Variants in INPP4B observed in about 807,000 individuals in gnomAD.
The protein encoded by INPP4B is inositol polyphosphate-4-phosphatase type II B, also known as inositol polyphosphate 4-phosphatase type II.
Under a neutral mutation model 122.5 loss-of-function variants are expected in INPP4B, and 55 were observed. That is an observed-to-expected ratio of 0.45 (90% CI 0.36 to 0.56). The LOEUF is 0.56. Among genes scored for constraint, INPP4B ranks in the 20% least tolerant of loss-of-function variants. The pLI is 0.00. For synonymous variants in INPP4B, 403 were observed against 388.7 expected, an observed-to-expected ratio of 1.04 and a Z score of -0.43; for missense variants, 1,000 against 1,097.7, an observed-to-expected ratio of 0.91 and a Z score of 1.26.
chr4:142,647,306 C>T (rs1407416058), intron 2 of INPP4B, among the ~76,000 whole-genome samples: 1 of 152,098 alleles, frequency 6.6e-6, no homozygotes, highest in East Asian at 1.9e-4. Context: ...TTTAACTAAG[C>T]ACATGTATTA....
chr4:142,776,727 T>C (rs955616547), intron 1 of INPP4B, among the ~76,000 whole-genome samples: 2 of 152,172 alleles, frequency 1.3e-5, no homozygotes, highest in South Asian at 4.1e-4. Context: ...ATATTGTACA[T>C]TATAATTTTG....
intron 7 of INPP4B, among the ~76,000 whole-genome samples, chr4:142,373,066 T>G (rs1790495804): frequency 6.6e-6 from 1 of 152,078 alleles, no homozygotes; most frequent in South Asian, 2.1e-4. Context: ...TATGCCAGAA[T>G]AGAAATCAGT....
chr4:142,243,486 T>C (rs529093685), intron 11 of INPP4B, among the ~76,000 whole-genome samples: 1 of 152,236 alleles, frequency 6.6e-6, no homozygotes, highest in East Asian at 1.9e-4. Context: ...CAAATAAATC[T>C]AGGGAGGAAG....
intron 25 of INPP4B, among the ~76,000 whole-genome samples, chr4:142,052,018 A>G (rs1031781462): frequency 1.3e-5 from 2 of 151,932 alleles, no homozygotes; most frequent in South Asian, 2.1e-4. Context: ...TTTTTCTTTG[A>G]TGGTTTTACT....
chr4:142,548,203 A>G (rs963602847), intron 2 of INPP4B, among the ~76,000 whole-genome samples: 7 of 152,202 alleles, frequency 4.6e-5, no homozygotes, highest in Non-Finnish European at 1.0e-4. Context: ...CAAGTTGCCA[A>G]GTACTAGTCA....
intron 7 of INPP4B, among the ~76,000 whole-genome samples, chr4:142,340,280 T>A (rs2646087): frequency 0.31 from 46,633 of 152,044 alleles, 8,462 homozygotes; most frequent in South Asian, 0.44. Flanking sequence ...TTGCTCCCCA[T>A]CTTACTAGAT....
At position 142,028,698 on chromosome 4, in the gene INPP4B, A is replaced by G. The variant is rs1434424933; in HGVS notation, c.*84T>C. On this transcript the variant is annotated 3_prime_UTR_variant, in exon 26 of 26. Transcript: ENST00000262992. ...ATCTCCCCCACCACAAATTCATGAC[A>G]ATAAAAACAAACAAAAAAGACCAAG... 2.1e-6 allele frequency: 3 copies of G among 1,431,546 alleles called. No individual in the cohort carries two copies. The African/African-American group carries it at 4.3e-5, about 20-fold the overall frequency. 88.7% of individuals were successfully genotyped at this position (1,431,546 alleles called of 1,614,324 possible).
chr4:142,564,439 C>CAAAAAAAA (rs199803105), intron 2 of INPP4B, among the ~76,000 whole-genome samples: 22 of 97,884 alleles, frequency 2.2e-4, no homozygotes, highest in Non-Finnish European at 3.0e-4. Context: ...TAAGGAATGG[C>CAAAAAAAA]AAAAAAAAAA....
intron 3 of INPP4B, among the ~76,000 whole-genome samples, chr4:142,448,537 G>A (rs1813441739): frequency 1.3e-5 from 2 of 152,136 alleles, no homozygotes; most frequent in South Asian, 4.1e-4. Context: ...CAAGATAAGA[G>A]TGTGAATGGA....
chr4:142,234,550 A>G (rs1855850188), intron 12 of INPP4B, among the ~76,000 whole-genome samples: 1 of 152,170 alleles, frequency 6.6e-6, no homozygotes, highest in Non-Finnish European at 1.5e-5. Context: ...AGAATTTTAA[A>G]AATCTCCTTT....
chr4:142,714,442 C>T (rs1763511736), intron 2 of INPP4B, among the ~76,000 whole-genome samples: 1 of 152,006 alleles, frequency 6.6e-6, no homozygotes, highest in Non-Finnish European at 1.5e-5. Flanking sequence ...GTTTGTTTTC[C>T]CTTTTGACCA....
At chr4:142,045,957 C>T (rs948545682) in intron 25 of INPP4B, among the ~76,000 whole-genome samples, 11 of 151,870 alleles carry the variant, frequency 7.2e-5, no homozygotes, top group East Asian at 1.9e-4. Flanking sequence ...TTGAAAGCAG[C>T]GAGCGGTGAG....
intron 7 of INPP4B, among the ~76,000 whole-genome samples, chr4:142,391,177 A>T (rs765749749): frequency 6.6e-6 from 1 of 152,242 alleles, no homozygotes; most frequent in Non-Finnish European, 1.5e-5. Flanking sequence ...GTCTAAGCCA[A>T]ATTACCTATA....
chr4:142,041,296 A>C (rs910527754), intron 25 of INPP4B, among the ~76,000 whole-genome samples: 1 of 152,112 alleles, frequency 6.6e-6, no homozygotes, highest in African/African-American at 2.4e-5. Context: ...GAACGTGCTC[A>C]ATAGTAAAAA....
intron 7 of INPP4B, among the ~76,000 whole-genome samples, chr4:142,362,619 A>G (rs1208137171): frequency 3.3e-5 from 5 of 151,976 alleles, no homozygotes; most frequent in African/African-American, 1.2e-4. Flanking sequence ...AGTGCAGCCT[A>G]CAAGATGTGT....
chr4:142,412,476 C>A (rs1038312814), intron 5 of INPP4B, among the ~76,000 whole-genome samples: 1 of 152,096 alleles, frequency 6.6e-6, no homozygotes. Flanking sequence ...GCACTACAAT[C>A]CATGATAATT....
At chr4:142,558,845 T>TCATCAGGA (rs1729839032) in intron 2 of INPP4B, among the ~76,000 whole-genome samples, 1 of 146,944 alleles carries the variant, frequency 6.8e-6, no homozygotes. Context: ...TTTTGAAGCT[T>TCATCAGGA]CATCAGGAGT....
chr4:142,459,580 TAGC>T (rs773985088), intron 3 of INPP4B, among the ~76,000 whole-genome samples: 1 of 152,178 alleles, frequency 6.6e-6, no homozygotes, highest in Non-Finnish European at 1.5e-5. Flanking sequence ...AATCTGATGG[TAGC>T]AGTGCATGCA....
chr4:142,233,564 C>T (rs1855379065), intron 12 of INPP4B, among the ~76,000 whole-genome samples: 1 of 152,036 alleles, frequency 6.6e-6, no homozygotes, highest in East Asian at 1.9e-4. Context: ...CTGTCATTTT[C>T]ATTAAACAAG....
Sources: allele counts gnomAD v4.1 joint callset (sites outside exome capture counted in the v4.1 genomes callset), GRCh38; gene constraint gnomAD v4.1.1; transcripts MANE v1.5; gene names NCBI Gene and HGNC (gene_info 2026-07-23, HGNC 2026-07-21).